Variants in TRABD2B observed in about 807,000 individuals in gnomAD.
TRABD2B encodes metalloprotease TIKI2.
Under a neutral mutation model 40.1 loss-of-function variants are expected in TRABD2B, and 14 were observed. That is an observed-to-expected ratio of 0.35 (90% CI 0.23 to 0.55). The LOEUF (loss-of-function observed/expected upper bound fraction) is 0.55. Ranked by LOEUF, TRABD2B falls within the 20% of genes least tolerant of loss-of-function variation. The probability of loss-of-function intolerance (pLI) is 0.90; values close to 1 mark genes in which losing one functional copy is unlikely to be tolerated. For missense variants in TRABD2B, 541 were observed against 648.6 expected (o/e 0.83, Z 1.80); for synonymous variants, 263 against 277.0 (o/e 0.95, Z 0.50).
At chr1:47,897,377 G>A (rs928744224) in intron 2 of TRABD2B, among the ~76,000 whole-genome samples, 1 of 152,048 alleles carries the variant, frequency 6.6e-6, no homozygotes, top group East Asian at 1.9e-4. Context: ...CTTCCTAGGC[G>A]GCCATAGAAG....
At chr1:47,774,001 G>C (rs1302321796) in intron 6 of TRABD2B, among the ~76,000 whole-genome samples, 1 of 152,166 alleles carries the variant, frequency 6.6e-6, no homozygotes, top group African/African-American at 2.4e-5. Context: ...TTGATTCCTT[G>C]TGGGGACCCT....
chr1:47,877,331 G>A (rs1215646649), intron 2 of TRABD2B, among the ~76,000 whole-genome samples: 1 of 152,082 alleles, frequency 6.6e-6, no homozygotes, highest in Non-Finnish European at 1.5e-5. Flanking sequence ...ACAGAGGGAA[G>A]GGAGAGAGTG....
chr1:47,874,060 T>TC (rs1251037377), intron 2 of TRABD2B, among the ~76,000 whole-genome samples: 1 of 151,756 alleles, frequency 6.6e-6, no homozygotes, highest in Non-Finnish European at 1.5e-5. Flanking sequence ...CTAGCAGAGG[T>TC]CAGGATAGAG....
chr1:47,844,317 G>A (rs1358658197), intron 2 of TRABD2B, among the ~76,000 whole-genome samples: 1 of 152,206 alleles, frequency 6.6e-6, no homozygotes, highest in Non-Finnish European at 1.5e-5. Flanking sequence ...GGGAGGGAGG[G>A]TGGCTCTTGG....
chr1:47,916,210 C>A (rs1216331303), intron 2 of TRABD2B, among the ~76,000 whole-genome samples: 1 of 152,130 alleles, frequency 6.6e-6, no homozygotes, highest in African/African-American at 2.4e-5. Flanking sequence ...ATGAAATCTG[C>A]TGAGGCCCAG....
At chr1:47,995,979 G>C (rs953042857) in intron 1 of TRABD2B, among the ~76,000 whole-genome samples, 1 of 152,326 alleles carries the variant, frequency 6.6e-6, no homozygotes, top group South Asian at 2.1e-4. Context: ...TTTACACTTA[G>C]AGGGAAAGAT....
At chr1:47,879,993 T>TA in intron 2 of TRABD2B, among the ~76,000 whole-genome samples, 1 of 152,354 alleles carries the variant, frequency 6.6e-6, no homozygotes, top group African/African-American at 2.4e-5. Context: ...CCTTAGCTTC[T>TA]AGGAGAGAGG....
chr1:47,801,726 G>A (rs1195482546), intron 2 of TRABD2B, 107 bp from the exon 3 acceptor site: 2 of 1,358,788 alleles, frequency 1.5e-6, no homozygotes, highest in Non-Finnish European at 2.0e-6. Flanking sequence ...GCCTGAAACA[G>A]AGAAGGTGTG....
chr1:47,798,842 C>G (rs1048186299), intron 3 of TRABD2B, among the ~76,000 whole-genome samples: 20 of 152,174 alleles, frequency 1.3e-4, no homozygotes, highest in Non-Finnish European at 2.6e-4. Flanking sequence ...GCTACAGACA[C>G]AGCCCCACCT....
chr1:47,814,744 A>T (rs1486357695), intron 2 of TRABD2B, among the ~76,000 whole-genome samples: 1 of 152,134 alleles, frequency 6.6e-6, no homozygotes, highest in African/African-American at 2.4e-5. Flanking sequence ...CCCGCCTGGG[A>T]CTCTGTGGTG....
At chr1:47,916,346 A>C (rs564944571) in intron 2 of TRABD2B, among the ~76,000 whole-genome samples, 2 of 152,278 alleles carry the variant, frequency 1.3e-5, no homozygotes, top group East Asian at 1.9e-4. Context: ...CTGGAAGCAC[A>C]AAGATGGATC....
intron 4 of TRABD2B, among the ~76,000 whole-genome samples, chr1:47,778,764 C>T (rs1644481870): frequency 6.6e-6 from 1 of 152,232 alleles, no homozygotes. Context: ...TTAACTGTAT[C>T]TCCCCATGCC....
intron 2 of TRABD2B, among the ~76,000 whole-genome samples, chr1:47,992,775 T>C (rs902978128): frequency 1.3e-5 from 2 of 152,084 alleles, no homozygotes; most frequent in Non-Finnish European, 2.9e-5. Flanking sequence ...TCAGGCGTAG[T>C]CAGAACCCTG....
intron 2 of TRABD2B, among the ~76,000 whole-genome samples, chr1:47,951,218 G>A (rs950475428): frequency 6.6e-6 from 1 of 152,188 alleles, no homozygotes; most frequent in South Asian, 2.1e-4. Flanking sequence ...AGGCAGGGGC[G>A]AGTCATCGGG....
intron 2 of TRABD2B, among the ~76,000 whole-genome samples, chr1:47,852,180 G>A (rs1043814328): frequency 2.0e-5 from 3 of 152,140 alleles, no homozygotes; most frequent in South Asian, 2.1e-4. Flanking sequence ...AGAAACCTCC[G>A]GGGCTCTGGA....
rs1297898516 is a variant in TRABD2B, at chr1:47,848,817, A to G, written c.667-47198T>C. 3.3e-5 allele frequency among the ~76,000 whole-genome samples: 5 copies of G among 152,230 alleles called. No homozygotes were observed. The East Asian group carries it at 9.6e-4, about 29-fold the overall frequency. On this transcript the variant is annotated intron_variant, in intron 2 of 6. Coordinates refer to ENST00000606738, the MANE Select transcript of TRABD2B (RefSeq NM_001194986.2). ...CTGTCAAGTCTGGCTGTATGGTTCT[A>G]ATCCTTGACCATGTGTCCCCAGGAG...
rs532377132 is a variant in TRABD2B at position 47,899,922 on chromosome 1, C to T, written c.666+94112G>A. On this transcript the variant is annotated intron_variant, in intron 2 of 6. Coordinates refer to ENST00000606738, the MANE Select transcript of TRABD2B (RefSeq NM_001194986.2). ...GCTCAAAGTTGGGCCCTTCAATGCA[C>T]GACCCATATCCAATGAGAGTCAATT... Among the ~76,000 whole-genome samples the T allele has an allele frequency of 1.5e-4, 23 of 152,214 alleles. 1 individual carries two copies. The South Asian group carries it at 2.9e-3, about 19-fold the overall frequency.
chr1:47,912,254 T>C (rs1019782827), intron 2 of TRABD2B, among the ~76,000 whole-genome samples: 1 of 152,246 alleles, frequency 6.6e-6, no homozygotes, highest in Non-Finnish European at 1.5e-5. Context: ...TTTATTGCAA[T>C]TGAAGTAATT....
At chr1:47,974,742 T>C (rs375007157) in intron 2 of TRABD2B, among the ~76,000 whole-genome samples, 1 of 152,098 alleles carries the variant, frequency 6.6e-6, no homozygotes, top group Non-Finnish European at 1.5e-5. Flanking sequence ...TTCCAATGTG[T>C]GCAGTATGAA....
Sources: gnomAD v4.1 joint callset for allele counts (sites outside exome capture counted in the v4.1 genomes callset) on GRCh38, gnomAD v4.1.1 for gene constraint, MANE v1.5 for transcripts, NCBI Gene and HGNC (gene_info 2026-07-23, HGNC 2026-07-21) for gene names.